Variants in NCOR1 observed in about 807,000 individuals in gnomAD.
NCOR1 encodes nuclear receptor corepressor 1.
NCOR1 carries 63 observed loss-of-function variants against 288.1 expected under a neutral mutation model. The observed-to-expected ratio is 0.22, with a 90% CI of 0.18 to 0.27. NCOR1 has a LOEUF of 0.27. NCOR1 is among the 10% of genes least tolerant of loss of function. The probability of loss-of-function intolerance (pLI) is 1.00; values close to 1 mark genes in which losing one functional copy is unlikely to be tolerated. For missense variants in NCOR1, 2,397 were observed against 3,019.2 expected, an observed-to-expected ratio of 0.79 and a Z score of 4.83; for synonymous variants, 1,007 against 1,065.9, an observed-to-expected ratio of 0.94 and a Z score of 1.08.
intron 3 of NCOR1, among the ~76,000 whole-genome samples, chr17:16,181,873 A>G (rs1346648770): frequency 1.3e-5 from 2 of 152,218 alleles, no homozygotes; most frequent in African/African-American, 2.4e-5. Flanking sequence ...CTAGTGCTAC[A>G]AAAGAACAAT....
chr17:16,131,253 C>A (rs571997133), intron 14 of NCOR1, among the ~76,000 whole-genome samples: 55 of 151,314 alleles, frequency 3.6e-4, no homozygotes, highest in African/African-American at 1.1e-3. Flanking sequence ...TCAAACCTCC[C>A]AGGCTCAAGC....
intron 1 of NCOR1, among the ~76,000 whole-genome samples, chr17:16,209,851 C>T (rs1459782469): frequency 6.6e-6 from 1 of 151,936 alleles, no homozygotes. Context: ...ACTTGGGAGG[C>T]TGAGAACGAG....
At chr17:16,035,778 GT>G in intron 44 of NCOR1, among the ~76,000 whole-genome samples, 1 of 152,152 alleles carries the variant, frequency 6.6e-6, no homozygotes, top group Admixed American at 6.5e-5. Flanking sequence ...CTGGGTTCAA[GT>G]GATTCTACTG....
At position 16,071,633 on chromosome 17, in the gene NCOR1, C is replaced by T. The variant is rs759882620; in HGVS notation, c.3928G>A (p.Asp1310Asn). ...ATTTGTTTGGGATATTTAAGGCCAT[C>T]TTCAAAGCTTTCAGTTGTTGCTCTT... is the stretch of plus-strand genomic sequence containing the variant. Reference protein sequence around the residue: ...TPRATTESFEDGLKYPKQIKR... With the variant: ...TPRATTESFENGLKYPKQIKR... Residue 1310 changes from aspartate (D) to asparagine (N), a missense_variant, in exon 30 of 46, where the codon GAT (aspartate) becomes AAT (asparagine). Coordinates refer to ENST00000268712, the MANE Select transcript of NCOR1 (RefSeq NM_006311.4). The T allele has an allele frequency of 1.9e-6, 3 of 1,613,552 alleles. No homozygotes were observed. The highest frequency in any genetic ancestry group is 3.3e-5 in the Admixed American group (2 of 59,914).
chr17:16,094,840 T>G (rs2066076206), intron 21 of NCOR1, among the ~76,000 whole-genome samples: 1 of 151,908 alleles, frequency 6.6e-6, no homozygotes, highest in Non-Finnish European at 1.5e-5. Context: ...GTGCCGGGAT[T>G]GCAGATGGAG....
intron 44 of NCOR1, 27 bp downstream of exon 44, chr17:16,039,406 A>G (rs938772526): frequency 1.2e-6 from 2 of 1,602,192 alleles, no homozygotes; most frequent in Admixed American, 3.4e-5. Flanking sequence ...GAAAAGCAGC[A>G]GAAAAGCACT....
chr17:16,209,815 G>A (rs2091947543), intron 1 of NCOR1, among the ~76,000 whole-genome samples: 1 of 152,036 alleles, frequency 6.6e-6, no homozygotes. Context: ...AGCGGGGCAT[G>A]GTGGCATATG....
chr17:16,064,017 A>G, intron 35 of NCOR1, 51 bp downstream of exon 35: 1 of 1,603,588 alleles, frequency 6.2e-7, no homozygotes, highest in Non-Finnish European at 8.5e-7. Flanking sequence ...CACAGTGTAC[A>G]AGATTACTAA....
In NCOR1 at chr17:16,127,289, A is replaced by ATATGTATGTATGTATATATACGTGTATG. The variant is rs2074389003; in HGVS notation, c.1510-1084_1510-1083insCATACACGTATATATACATACATACATA. On this transcript the variant is annotated intron_variant, in intron 14 of 45. Transcript: ENST00000268712. ...TATATGTATGTATATATACGTGTAT[A>ATATGTATGTATGTATATATACGTGTATG]TATGTATGTATGTATATATACATGT... is the stretch of plus-strand genomic sequence containing the variant. 5.9e-5 allele frequency among the ~76,000 whole-genome samples: 5 copies of ATATGTATGTATGTATATATACGTGTATG among 84,478 alleles called. 1 individual carries two copies. Among genetic ancestry groups the ATATGTATGTATGTATATATACGTGTATG allele is most frequent in the East Asian group, 3.0e-4 (1 of 3,304 alleles). 55.4% of individuals were successfully genotyped at this position (84,478 alleles called of 152,430 possible).
rs1041230956 is a variant in NCOR1 at position 16,044,546 on chromosome 17, G to A, written c.6679+2405C>T. ...GTCCTTCCAAGGAAGCTAAGGCCAC[G>A]TTGGGATGAGGCCCTCACTTCATCC... On this transcript the variant is annotated intron_variant, in intron 42 of 45. Transcript: ENST00000268712. 9 of 499,818 alleles carry A rather than the reference G, an allele frequency of 1.8e-5. No individual in the cohort carries two copies. The East Asian group carries it at 2.4e-4, about 13-fold the overall frequency. 31.0% of individuals were successfully genotyped at this position (499,818 alleles called of 1,614,324 possible).
At chr17:16,161,361 C>T (rs1191652352) in intron 5 of NCOR1, among the ~76,000 whole-genome samples, 1 of 152,156 alleles carries the variant, frequency 6.6e-6, no homozygotes, top group African/African-American at 2.4e-5. Context: ...ACAATCTCAG[C>T]TCACTGCAAC....
At chr17:16,114,746 C>A (rs767141809) in intron 18 of NCOR1, among the ~76,000 whole-genome samples, 1 of 152,238 alleles carries the variant, frequency 6.6e-6, no homozygotes, top group African/African-American at 2.4e-5. Context: ...TGGGTTCCCA[C>A]GGTCTTGGGC....
intron 2 of NCOR1, among the ~76,000 whole-genome samples, chr17:16,187,853 T>C (rs183491414): frequency 4.0e-4 from 61 of 151,278 alleles, no homozygotes; most frequent in Middle Eastern, 3.4e-3. Flanking sequence ...TGAGCTCTGA[T>C]TGTGCCACTG....
chr17:16,060,723 G>A (rs1443083468), intron 37 of NCOR1, among the ~76,000 whole-genome samples: 1 of 152,124 alleles, frequency 6.6e-6, no homozygotes, highest in Non-Finnish European at 1.5e-5. Flanking sequence ...ATAACAGAAA[G>A]ATGATTATAT....
At chr17:16,137,140 A>AC (rs2076556331) in intron 14 of NCOR1, among the ~76,000 whole-genome samples, 171 bp downstream of exon 14, 1 of 152,196 alleles carries the variant, frequency 6.6e-6, no homozygotes, top group Non-Finnish European at 1.5e-5. Context: ...ACAAGATTTA[A>AC]TACATTAAAT....
chr17:16,104,057 T>C (rs1197016352), intron 19 of NCOR1, among the ~76,000 whole-genome samples: 1 of 152,206 alleles, frequency 6.6e-6, no homozygotes, highest in Admixed American at 6.5e-5. Context: ...ATTTTGCTAA[T>C]ATAGTTCTGA....
chr17:16,196,696 G>A (rs983398228), intron 1 of NCOR1, among the ~76,000 whole-genome samples: 4 of 151,578 alleles, frequency 2.6e-5, no homozygotes, highest in African/African-American at 7.3e-5. Context: ...GTGGTGGCGG[G>A]TGCCTGTAGT....
chr17:16,153,413 G>C lies in NCOR1; in HGVS notation c.733-18C>G. On this transcript the variant is annotated intron_variant, in intron 6 of 45. Transcript: ENST00000268712. ...GCTTTTTTCTAGAGATAAAGACATT[G>C]TTGTATCATATAATTAAAAATTACA... 6.6e-7 allele frequency: 1 copy of C among 1,517,352 alleles called. No individual in the cohort carries two copies. Among genetic ancestry groups the C allele is most frequent in the Non-Finnish European group, 9.0e-7 (1 of 1,110,660 alleles). 94.0% of individuals were successfully genotyped at this position (1,517,352 alleles called of 1,614,324 possible). A position where few individuals can be genotyped will look rare whatever the true frequency, so the allele number is the denominator to read the frequency against.
intron 27 of NCOR1, among the ~76,000 whole-genome samples, chr17:16,074,932 A>G (rs1465300992): frequency 2.0e-5 from 3 of 151,812 alleles, no homozygotes; most frequent in African/African-American, 7.3e-5. Flanking sequence ...CAGTGGCCCA[A>G]TCTCAGCTCA....
Sources: allele counts gnomAD v4.1 joint callset (sites outside exome capture counted in the v4.1 genomes callset), GRCh38; gene constraint gnomAD v4.1.1; transcripts MANE v1.5; gene names NCBI Gene and HGNC (gene_info 2026-07-23, HGNC 2026-07-21).